Variants in PHKB observed in about 807,000 individuals in gnomAD.
The protein encoded by PHKB is phosphorylase b kinase regulatory subunit beta.
In PHKB, 122 loss-of-function variants were observed where a neutral mutation model predicts 152.1. The ratio of observed to expected loss-of-function variants is 0.80; its 90% CI spans 0.69 to 0.93. PHKB has a LOEUF of 0.93. PHKB is among the 40% of genes least tolerant of loss of function. PHKB has a pLI of 0.00. For synonymous variants in PHKB, 436 were observed against 464.9 expected, an observed-to-expected ratio of 0.94 and a Z score of 0.80; for missense variants, 1,304 against 1,328.4, an observed-to-expected ratio of 0.98 and a Z score of 0.29.
chr16:47,670,400 A>G (rs1973617515), intron 26 of PHKB, among the ~76,000 whole-genome samples: 1 of 152,186 alleles, frequency 6.6e-6, no homozygotes. Context: ...CTATTTGGTC[A>G]TTGCTGATAA....
At chr16:47,668,823 A>C (rs893124934) in intron 25 of PHKB, among the ~76,000 whole-genome samples, 2 of 152,258 alleles carry the variant, frequency 1.3e-5, no homozygotes, top group African/African-American at 4.8e-5. Flanking sequence ...CAAAAAGTTT[A>C]TCTCTCAAAT....
Position 47,661,783 on chromosome 16 carries a change from A to C in PHKB, c.2261A>C (p.Asn754Thr), listed in dbSNP as rs777073299. The change falls in exon 23 of 31, where the codon AAC becomes ACC. Residue 754 changes from asparagine to threonine, a missense_variant. Transcript: ENST00000323584. The part of the protein sequence containing the change: ...LGILLKREGP[N>T]FITKEGTVSD... ...ATACTGCTCAAAAGAGAAGGCCCCA[A>C]CTTCATCACAAAGGAAGGTAAGCAT... 1 of 1,612,366 alleles carries C rather than the reference A, an allele frequency of 6.2e-7. No individual in the cohort carries two copies. The highest frequency in any genetic ancestry group is 8.5e-7 in the Non-Finnish European group (1 of 1,178,414).
chr16:47,483,758 TCTTCA>T (rs1334068980), intron 1 of PHKB, among the ~76,000 whole-genome samples: 1 of 152,150 alleles, frequency 6.6e-6, no homozygotes, highest in African/African-American at 2.4e-5. Flanking sequence ...GATGAGTGAG[TCTTCA>T]CTTCATCTGC....
intron 26 of PHKB, among the ~76,000 whole-genome samples, chr16:47,681,624 T>G (rs1417171707): frequency 6.6e-6 from 1 of 152,114 alleles, no homozygotes; most frequent in Non-Finnish European, 1.5e-5. Context: ...ATTTGCTTGG[T>G]AGATCTTCCT....
Position 47,588,851 on chromosome 16 carries a change from G to A in PHKB, c.871-54G>A, listed in dbSNP as rs766397120. 2.3e-5 allele frequency: 34 copies of A among 1,450,282 alleles called. No individual in the cohort carries two copies. In the Middle Eastern group the frequency reaches 7.0e-4, roughly 30 times the overall value. The allele number at this position is 1,450,282 out of a possible 1,614,324, so 89.8% of individuals were successfully genotyped here. Reference sequence around the variant, plus strand: ...TCATCTCTATCATTCTCCTTGGGCTGTGTTGATCACATCGCTGTGGACACT... The same window carrying A: ...TCATCTCTATCATTCTCCTTGGGCTATGTTGATCACATCGCTGTGGACACT... On this transcript the variant is annotated intron_variant, in intron 9 of 30. Transcript: ENST00000323584.
At chr16:47,557,137 A>G (rs1203108068) in intron 7 of PHKB, among the ~76,000 whole-genome samples, 1 of 152,180 alleles carries the variant, frequency 6.6e-6, no homozygotes, top group Non-Finnish European at 1.5e-5. Context: ...TGGGGAAAGG[A>G]TTCCCTATTT....
chr16:47,698,995 G>C (rs1974203126), intron 30 of PHKB, among the ~76,000 whole-genome samples: 2 of 152,100 alleles, frequency 1.3e-5, no homozygotes, highest in Non-Finnish European at 2.9e-5. Context: ...ATGTTCAACT[G>C]TAAAGAGGTT....
chr16:47,686,671 G>A (rs918070645), intron 26 of PHKB, among the ~76,000 whole-genome samples: 3 of 152,050 alleles, frequency 2.0e-5, no homozygotes, highest in Non-Finnish European at 4.4e-5. Context: ...TGACTTATTT[G>A]GTACATTCCC....
chr16:47,527,937 G>T (rs2151659625), intron 6 of PHKB, among the ~76,000 whole-genome samples: 1 of 152,254 alleles, frequency 6.6e-6, no homozygotes, highest in South Asian at 2.1e-4. Flanking sequence ...CAACACCTTG[G>T]TCTTAGACTT....
chr16:47,501,837 G>C (rs1970329468), intron 3 of PHKB, among the ~76,000 whole-genome samples: 1 of 152,152 alleles, frequency 6.6e-6, no homozygotes, highest in Admixed American at 6.5e-5. Context: ...TCTAACATCA[G>C]ATAGAGACTT....
intron 13 of PHKB, among the ~76,000 whole-genome samples, chr16:47,606,351 AT>A: frequency 6.6e-6 from 1 of 152,352 alleles, no homozygotes; most frequent in Admixed American, 6.5e-5. Flanking sequence ...CCTAAAAGCA[AT>A]TTATAAATAG....
chr16:47,665,267 G>T, intron 25 of PHKB: 1 of 340,486 alleles, frequency 2.9e-6, no homozygotes, highest in Non-Finnish European at 5.5e-6. Context: ...CTATCTAAAA[G>T]TTCCACGAGA....
chr16:47,488,518 C>T (rs1970088886), intron 1 of PHKB, among the ~76,000 whole-genome samples: 1 of 152,156 alleles, frequency 6.6e-6, no homozygotes, highest in Non-Finnish European at 1.5e-5. Context: ...AAATCTTTGC[C>T]ATGGCCTATG....
intron 7 of PHKB, among the ~76,000 whole-genome samples, chr16:47,554,637 C>T (rs1283918148): frequency 1.3e-5 from 2 of 152,170 alleles, no homozygotes; most frequent in African/African-American, 4.8e-5. Context: ...AACCCAGGGC[C>T]CTGGTGGTGT....
chr16:47,576,228 T>A (rs1325479913), intron 7 of PHKB, among the ~76,000 whole-genome samples: 1 of 152,238 alleles, frequency 6.6e-6, no homozygotes, highest in Admixed American at 6.5e-5. Context: ...GGAATTTCCC[T>A]CTATTCCTAG....
At chr16:47,549,172 G>A (rs1971227510) in intron 7 of PHKB, among the ~76,000 whole-genome samples, 3 of 152,124 alleles carry the variant, frequency 2.0e-5, no homozygotes, top group Admixed American at 1.3e-4. Flanking sequence ...AATAGATGAT[G>A]TTATAATTCA....
chr16:47,649,084 A>G lies in PHKB; in HGVS notation c.1693-16A>G. The G allele has an allele frequency of 1.4e-6, 2 of 1,436,938 alleles. No homozygotes were observed. The highest frequency in any genetic ancestry group is 2.0e-6 in the Non-Finnish European group (2 of 1,018,396). 89.0% of individuals were successfully genotyped at this position (1,436,938 alleles called of 1,614,324 possible). A position where few individuals can be genotyped will look rare whatever the true frequency, so the allele number is the denominator to read the frequency against. The stretch of plus-strand genomic sequence containing the variant: ...ATGTTCTTTAGTTATTTGTTTTAAA[A>G]CTTTTTCCCTTACAGATTTATCGCA... On this transcript the variant is annotated splice_polypyrimidine_tract_variant and intron_variant, in intron 17 of 30. Coordinates refer to ENST00000323584, the MANE Select transcript of PHKB (RefSeq NM_000293.3).
At chr16:47,589,992 A>ATGT (rs1211699892) in intron 10 of PHKB, among the ~76,000 whole-genome samples, 1 of 152,136 alleles carries the variant, frequency 6.6e-6, no homozygotes, top group Admixed American at 6.5e-5. Flanking sequence ...GGGTTTCACC[A>ATGT]TGTTGGCCAG....
intron 7 of PHKB, chr16:47,565,400 G>T: frequency 8.6e-7 from 1 of 1,160,618 alleles, no homozygotes; most frequent in African/African-American, 1.5e-5. Context: ...CCCACCACTT[G>T]TAGGGATTGC....
Sources: gnomAD v4.1 joint callset for allele counts (sites outside exome capture counted in the v4.1 genomes callset) on GRCh38, gnomAD v4.1.1 for gene constraint, MANE v1.5 for transcripts, NCBI Gene and HGNC (gene_info 2026-07-23, HGNC 2026-07-21) for gene names.